FGF13: variants seen among roughly 807,000 people sequenced by gnomAD.
FGF13 encodes the protein fibroblast growth factor 13.
A neutral mutation model predicts 19.5 loss-of-function variants in FGF13; 2 were observed. That is an observed-to-expected ratio of 0.10 (90% confidence interval 0.04 to 0.32). FGF13 has a LOEUF of 0.32. FGF13 is among the 10% of genes least tolerant of loss of function. The pLI is 1.00. For missense variants in FGF13, 113 were observed against 192.7 expected (o/e 0.59, Z 2.45); for synonymous variants, 72 against 76.9 (o/e 0.94, Z 0.33).
intron 1 of FGF13, among the ~76,000 whole-genome samples, chrX:138,927,875 T>A (rs934220852): frequency 4.5e-5 from 5 of 111,902 alleles, no homozygotes; most frequent in African/African-American, 1.3e-4. Context: ...TTCACATCAT[T>A]TTCCCTAATA....
At chrX:139,118,885 G>T (rs2083658049) in intron 1 of FGF13, among the ~76,000 whole-genome samples, 1 of 110,992 alleles carries the variant, frequency 9.0e-6, no homozygotes, top group South Asian at 3.9e-4. Flanking sequence ...AAATAGCTAG[G>T]TGTGCTGGCT....
intron 3 of FGF13, among the ~76,000 whole-genome samples, 170 bp from the exon 4 acceptor site, chrX:138,635,825 T>C (rs2089177129): frequency 8.9e-6 from 1 of 112,434 alleles, no homozygotes. Flanking sequence ...TCAGACTACA[T>C]ATAACATTTC....
intron 3 of FGF13, among the ~76,000 whole-genome samples, chrX:138,655,859 C>T (rs2124140275): frequency 8.9e-6 from 1 of 111,781 alleles, no homozygotes; most frequent in Admixed American, 9.5e-5. Context: ...TATGCTTACC[C>T]TATGGTTTCA....
chrX:139,195,804 G>A (rs1257133253), intron 1 of FGF13, among the ~76,000 whole-genome samples: 2 of 112,529 alleles, frequency 1.8e-5, no homozygotes, highest in African/African-American at 6.5e-5. Context: ...TCTAACTGAA[G>A]GCAGCATAAA....
chrX:138,797,970 G>C (rs1003262541), intron 3 of FGF13, among the ~76,000 whole-genome samples: 17 of 111,925 alleles, frequency 1.5e-4, no homozygotes, highest in African/African-American at 5.5e-4. Context: ...GGGCTGAGAT[G>C]ATGAGGTTTT....
intron 1 of FGF13, among the ~76,000 whole-genome samples, chrX:138,973,722 TC>T (rs1170511612): frequency 8.9e-6 from 1 of 112,283 alleles, no homozygotes; most frequent in Non-Finnish European, 1.9e-5. Flanking sequence ...CTTTCTGTAT[TC>T]CCCTTTATCA....
chrX:139,146,469 A>T (rs1248636901), intron 1 of FGF13, among the ~76,000 whole-genome samples: 1 of 112,275 alleles, frequency 8.9e-6, no homozygotes, highest in South Asian at 3.7e-4. Flanking sequence ...GTCAGGAAAC[A>T]GCAGGTGCTG....
At chrX:138,819,215 G>A (rs1395003576) in intron 3 of FGF13, among the ~76,000 whole-genome samples, 3 of 110,815 alleles carry the variant, frequency 2.7e-5, no homozygotes, top group Non-Finnish European at 5.7e-5. Context: ...ATCCTTTTCT[G>A]TAAATTAAAA....
intron 3 of FGF13, among the ~76,000 whole-genome samples, chrX:138,682,057 G>A (rs1602694727): frequency 1.8e-5 from 2 of 112,277 alleles, no homozygotes; most frequent in East Asian, 5.6e-4. Flanking sequence ...AAAAAATGGC[G>A]CTGATAGATT....
At chrX:138,771,918 A>G (rs1428391830) in intron 3 of FGF13, among the ~76,000 whole-genome samples, 1 of 106,016 alleles carries the variant, frequency 9.4e-6, no homozygotes, top group African/African-American at 3.4e-5. Flanking sequence ...ATATAAATTT[A>G]TTTTTTCTTT....
intron 3 of FGF13, among the ~76,000 whole-genome samples, chrX:138,823,133 C>G (rs1258277705): frequency 2.7e-5 from 3 of 111,060 alleles, no homozygotes; most frequent in Non-Finnish European, 3.8e-5. Flanking sequence ...GTCAAGTGGT[C>G]CAATGTGTCT....
At position 138,614,923 on chromosome X, in the gene FGF13, G is replaced by C. The variant is rs2088955741; in HGVS notation, c.*17927C>G. 8.9e-6 allele frequency: 1 copy of C among 112,000 alleles called. No homozygotes were observed. Among genetic ancestry groups the C allele is most frequent in the Non-Finnish European group, 1.9e-5 (1 of 53,196 alleles). 9.2% of individuals were successfully genotyped at this position (112,000 alleles called of 1,213,427 possible). ...AAGGGAATTGTGCTGAGTGACAAAA[G>C]CCAATCTCTATGTGTTATATACTGT... is the stretch of plus-strand genomic sequence containing the variant. On this transcript the variant is annotated 3_prime_UTR_variant, in exon 5 of 5. Transcript: ENST00000315930.
chrX:139,060,924 C>G (rs1445881667), intron 1 of FGF13, among the ~76,000 whole-genome samples: 1 of 110,761 alleles, frequency 9.0e-6, no homozygotes, highest in Non-Finnish European at 1.9e-5. Context: ...GTCCTTCTGT[C>G]CCTATTTTCC....
At chrX:138,706,144 A>T (rs1190716099) in intron 2 of FGF13, among the ~76,000 whole-genome samples, 2 of 110,135 alleles carry the variant, frequency 1.8e-5, no homozygotes. Flanking sequence ...AGTATATATT[A>T]ACGTAGGTTG....
intron 3 of FGF13, among the ~76,000 whole-genome samples, chrX:138,819,393 T>C (rs2124060804): frequency 9.0e-6 from 1 of 110,878 alleles, no homozygotes; most frequent in African/African-American, 3.3e-5. Flanking sequence ...GAGGTTGGAG[T>C]GAATAATGAA....
At chrX:138,850,668 G>T (rs966276124) in intron 3 of FGF13, among the ~76,000 whole-genome samples, 2 of 112,038 alleles carry the variant, frequency 1.8e-5, no homozygotes, top group African/African-American at 6.5e-5. Flanking sequence ...AAGTGACTTT[G>T]AAATAAAAAG....
rs182039146 is a variant in FGF13, at chrX:138,906,327, T to C, written c.-112-41677A>G. Among the ~76,000 whole-genome samples the C allele has an allele frequency of 5.3e-5, 6 of 112,430 alleles. No homozygotes were observed. The East Asian group carries it at 1.7e-3, about 31-fold the overall frequency. ...GCATGCAATAATTATTAATTGCTCT[T>C]GTCATTTTTATTGGCATACTCATTG... On this transcript the variant is annotated intron_variant, in intron 1 of 2. Transcript: ENST00000421460.
At chrX:138,772,836 G>C (rs762840647) in intron 3 of FGF13, among the ~76,000 whole-genome samples, 5 of 110,339 alleles carry the variant, frequency 4.5e-5, no homozygotes, top group Non-Finnish European at 7.6e-5. Flanking sequence ...ACATAAAGCT[G>C]GTGTTACCTT....
At chrX:138,882,020 T>C (rs1264453847) in intron 1 of FGF13, among the ~76,000 whole-genome samples, 1 of 110,745 alleles carries the variant, frequency 9.0e-6, no homozygotes, top group Non-Finnish European at 1.9e-5. Context: ...CTTTATTCTT[T>C]CTTAATTTAG....
Sources: gnomAD v4.1 joint callset for allele counts (sites outside exome capture counted in the v4.1 genomes callset) on GRCh38, gnomAD v4.1.1 for gene constraint, MANE v1.5 for transcripts, NCBI Gene and HGNC (gene_info 2026-07-23, HGNC 2026-07-21) for gene names.